SORCS3: variants seen among roughly 807,000 people sequenced by gnomAD.
The protein encoded by SORCS3 is VPS10 domain-containing receptor SorCS3.
A neutral mutation model predicts 146.3 loss-of-function variants in SORCS3; 57 were observed. That is an observed-to-expected ratio of 0.39 (90% CI 0.31 to 0.49). The LOEUF is 0.49. Among genes scored for constraint, SORCS3 ranks in the 20% least tolerant of loss-of-function variants. SORCS3 has a pLI of 0.92. For missense variants in SORCS3, 1,341 were observed against 1,575.5 expected (o/e 0.85, Z 2.52); for synonymous variants, 653 against 618.5 (o/e 1.06, Z -0.83).
intron 16 of SORCS3, among the ~76,000 whole-genome samples, chr10:105,204,945 G>C (rs549779790): frequency 2.0e-5 from 3 of 152,290 alleles, no homozygotes; most frequent in South Asian, 4.1e-4. Flanking sequence ...GCTAATGCTA[G>C]AAATCAGCAT....
At chr10:104,673,179 A>G (rs1387018853) in intron 1 of SORCS3, among the ~76,000 whole-genome samples, 1 of 152,146 alleles carries the variant, frequency 6.6e-6, no homozygotes, top group Non-Finnish European at 1.5e-5. Context: ...GACAGCATAT[A>G]ATTGGATCAT....
intron 2 of SORCS3, among the ~76,000 whole-genome samples, chr10:104,906,835 C>T (rs191962268): frequency 2.0e-5 from 3 of 152,304 alleles, no homozygotes; most frequent in East Asian, 3.9e-4. Context: ...TACTTGGATA[C>T]ACTTTTGTTT....
intron 9 of SORCS3, among the ~76,000 whole-genome samples, chr10:105,155,329 A>T (rs1232740868): frequency 6.6e-6 from 1 of 152,122 alleles, no homozygotes; most frequent in African/African-American, 2.4e-5. Context: ...CCCAGGAAAA[A>T]CTGAACCGGG....
intron 2 of SORCS3, among the ~76,000 whole-genome samples, chr10:104,869,510 G>A (rs2018494369): frequency 6.6e-6 from 1 of 152,182 alleles, no homozygotes; most frequent in Non-Finnish European, 1.5e-5. Context: ...TTCCCTTACA[G>A]ACACACTCAG....
At chr10:104,864,256 A>G (rs911590738) in intron 2 of SORCS3, among the ~76,000 whole-genome samples, 1 of 152,166 alleles carries the variant, frequency 6.6e-6, no homozygotes, top group Non-Finnish European at 1.5e-5. Context: ...AAAAATTTTT[A>G]AAAAGATTTT....
chr10:105,134,097 C>G lies in SORCS3; in HGVS notation c.1213-5300C>G, dbSNP rs959458365. ...CAAAAGATGTTGGAATCAAGATAATCTATTGTGTTATTGCAGTGAAATAAG... is the reference window on the plus strand; with the variant it reads ...CAAAAGATGTTGGAATCAAGATAATGTATTGTGTTATTGCAGTGAAATAAG... On this transcript the variant is annotated intron_variant, in intron 7 of 26. Coordinates refer to ENST00000369701, the MANE Select transcript of SORCS3 (RefSeq NM_014978.3). Among the ~76,000 whole-genome samples the G allele has an allele frequency of 2.6e-5, 4 of 152,154 alleles. No homozygotes were observed. In the South Asian group the frequency reaches 6.2e-4, roughly 24 times the overall value.
intron 1 of SORCS3, among the ~76,000 whole-genome samples, chr10:104,727,498 T>C (rs1330014476): frequency 6.6e-6 from 1 of 151,868 alleles, no homozygotes; most frequent in African/African-American, 2.4e-5. Flanking sequence ...TTGGATCTTA[T>C]AGTACATATA....
chr10:105,260,536 A>G (rs760426895), intron 25 of SORCS3, among the ~76,000 whole-genome samples: 3 of 152,210 alleles, frequency 2.0e-5, no homozygotes, highest in Admixed American at 6.5e-5. Context: ...TCATGGGGAC[A>G]CCTCCTTTAG....
chr10:105,062,652 G>A lies in SORCS3; in HGVS notation c.1028+19524G>A, dbSNP rs189335220. Among the ~76,000 whole-genome samples, 212 of 152,288 alleles carry A rather than the reference G, an allele frequency of 1.4e-3. 1 individual carries two copies. The highest frequency in any genetic ancestry group is 4.4e-3 in the African/African-American group (183 of 41,558). ...AAGAGGCAGAAGGGTGTGGAAGACCGTCAAGCTCACAGTGTTTACCTGTCT... is the reference window on the plus strand; with the variant it reads ...AAGAGGCAGAAGGGTGTGGAAGACCATCAAGCTCACAGTGTTTACCTGTCT... On this transcript the variant is annotated intron_variant, in intron 5 of 26. Coordinates refer to ENST00000369701, the MANE Select transcript of SORCS3 (RefSeq NM_014978.3).
At chr10:105,210,468 A>G (rs2056626732) in intron 16 of SORCS3, among the ~76,000 whole-genome samples, 1 of 152,182 alleles carries the variant, frequency 6.6e-6, no homozygotes, top group African/African-American at 2.4e-5. Flanking sequence ...TGAAACTCCA[A>G]GAAGTAGGGA....
chr10:104,694,135 T>G (rs370863871), intron 1 of SORCS3, among the ~76,000 whole-genome samples: 2 of 150,412 alleles, frequency 1.3e-5, no homozygotes, highest in Non-Finnish European at 3.0e-5. Context: ...ATAGATTGCT[T>G]TCCACGTTAG....
intron 1 of SORCS3, among the ~76,000 whole-genome samples, chr10:104,735,654 T>C (rs1166786056): frequency 1.3e-5 from 2 of 151,904 alleles, no homozygotes; most frequent in African/African-American, 2.4e-5. Flanking sequence ...CGGAAATTAA[T>C]GAAAGCGGCT....
At chr10:105,029,644 C>T (rs1460769433) in intron 4 of SORCS3, among the ~76,000 whole-genome samples, 1 of 152,154 alleles carries the variant, frequency 6.6e-6, no homozygotes. Flanking sequence ...GGAGTGGGCT[C>T]CCAGGAGTCA....
chr10:105,132,835 C>A (rs1389885668), intron 7 of SORCS3, among the ~76,000 whole-genome samples: 1 of 151,986 alleles, frequency 6.6e-6, no homozygotes. Flanking sequence ...GGGCCCAGAG[C>A]AAATAATTGG....
intron 13 of SORCS3, 64 bp from the exon 14 acceptor site, chr10:105,178,002 A>G: frequency 8.1e-7 from 1 of 1,231,716 alleles, no homozygotes; most frequent in Non-Finnish European, 1.2e-6. Flanking sequence ...AACCTGAAAA[A>G]CGGTTACAGA....
At chr10:104,928,780 G>GAAGT (rs1187402578) in intron 3 of SORCS3, among the ~76,000 whole-genome samples, 24 of 152,280 alleles carry the variant, frequency 1.6e-4, no homozygotes, top group African/African-American at 5.8e-4. Flanking sequence ...AGCTGGCAGG[G>GAAGT]AAGTCTGAGA....
At chr10:105,226,084 C>T (rs190024670) in intron 20 of SORCS3, among the ~76,000 whole-genome samples, 281 of 151,690 alleles carry the variant, frequency 1.9e-3, no homozygotes, top group African/African-American at 6.3e-3. Flanking sequence ...TTAGGACTTC[C>T]GGTCCTATAT....
At chr10:105,114,377 G>A (rs1009670318) in intron 7 of SORCS3, among the ~76,000 whole-genome samples, 7 of 152,086 alleles carry the variant, frequency 4.6e-5, no homozygotes, top group African/African-American at 7.2e-5. Flanking sequence ...GAAGAGGGAC[G>A]GTCATCTTGC....
At chr10:104,988,477 A>G (rs1465096339) in intron 4 of SORCS3, among the ~76,000 whole-genome samples, 1 of 152,318 alleles carries the variant, frequency 6.6e-6, no homozygotes, top group African/African-American at 2.4e-5. Flanking sequence ...TTCTGCCTCA[A>G]GCAAAAAATA....
Sources: allele counts gnomAD v4.1 joint callset (sites outside exome capture counted in the v4.1 genomes callset), GRCh38; gene constraint gnomAD v4.1.1; transcripts MANE v1.5; gene names NCBI Gene and HGNC (gene_info 2026-07-23, HGNC 2026-07-21).